The following DPEP1 variants were observed in gnomAD, a reference collection of about 807,000 sequenced individuals.
DPEP1 encodes the protein beta-lactamase.
DPEP1 carries 50 observed loss-of-function variants against 42.3 expected under a neutral mutation model. That is an observed-to-expected ratio of 1.18 (90% CI 0.94 to 1.50). The LOEUF (loss-of-function observed/expected upper bound fraction) is 1.50, where lower values mean the gene tolerates loss of function less well. Ranked by LOEUF, DPEP1 falls within the 40% of genes most tolerant of loss-of-function variation. The pLI, the probability that DPEP1 is intolerant of heterozygous loss-of-function variation, is 0.00. For missense variants in DPEP1, 663 were observed against 553.0 expected, an observed-to-expected ratio of 1.20 and a Z score of -1.99; for synonymous variants, 297 against 234.0, an observed-to-expected ratio of 1.27 and a Z score of -2.46.
chr16:89,635,864 C>A, intron 2 of DPEP1, 44 bp from the exon 3 acceptor site: 1 of 1,552,550 alleles, frequency 6.4e-7, no homozygotes. Flanking sequence ...CCCCAGGTCC[C>A]AGTGGCCGCC....
chr16:89,628,817 G>T (rs750556693), intron 1 of DPEP1, among the ~76,000 whole-genome samples: 4 of 151,674 alleles, frequency 2.6e-5, no homozygotes, highest in African/African-American at 9.7e-5. Context: ...GAGGGGGGGC[G>T]GTTTGTGTTT....
chr16:89,627,418 A>C (rs2059528685), intron 1 of DPEP1, among the ~76,000 whole-genome samples: 2 of 151,778 alleles, frequency 1.3e-5, no homozygotes, highest in Non-Finnish European at 2.9e-5. Context: ...CCCTGTCTCT[A>C]CTAAAAATAC....
At position 89,638,198 on chromosome 16, in the gene DPEP1, G is replaced by C. The variant is rs1332996940; in HGVS notation, c.1212G>C (p.Leu404=). 2 of 1,584,934 alleles carry C rather than the reference G, an allele frequency of 1.3e-6. No individual in the cohort carries two copies. Among genetic ancestry groups the C allele is most frequent in the African/African-American group, 2.7e-5 (2 of 74,268 alleles). Residue 404 remains leucine (L), a synonymous_variant, in exon 11 of 11, where the codon CTG becomes CTC. Coordinates refer to ENST00000690203, the MANE Select transcript of DPEP1 (RefSeq NM_001389466.1). ...TCCTGCTGGCCTCCCTCGCTCCCCT[G>C]GTCCTCTGTCTGTCTCTCCTGTGAA... is the stretch of plus-strand genomic sequence containing the variant. ...WGLLLASLAP[L]VLCLSLL
intron 1 of DPEP1, among the ~76,000 whole-genome samples, chr16:89,615,903 T>C (rs528120547): frequency 3.3e-5 from 5 of 152,146 alleles, no homozygotes; most frequent in Admixed American, 1.3e-4. Flanking sequence ...TCCACCCCTT[T>C]CACAGGCCCA....
chr16:89,638,115 T>C lies in DPEP1; in HGVS notation c.1129T>C (p.Cys377Arg). 6.2e-7 allele frequency: 1 copy of C among 1,612,414 alleles called. No homozygotes were observed. The highest frequency in any genetic ancestry group is 8.5e-7 in the Non-Finnish European group (1 of 1,179,830). Residue 377 changes from cysteine to arginine, a missense_variant, in exon 11 of 11, where the codon TGC becomes CGC. Transcript: ENST00000690203. ...PIPLDQLGGS[C>R]RTHYGYSSGA... Reference sequence around the variant, plus strand: ...CCCGCTGGACCAGCTGGGTGGCTCCTGCAGGACCCATTACGGCTACTCCTC... The same window carrying C: ...CCCGCTGGACCAGCTGGGTGGCTCCCGCAGGACCCATTACGGCTACTCCTC...
At chr16:89,624,625 C>T (rs1224961561) in intron 1 of DPEP1, among the ~76,000 whole-genome samples, 2 of 151,900 alleles carry the variant, frequency 1.3e-5, no homozygotes, top group East Asian at 3.9e-4. Flanking sequence ...ACCTCTGCCT[C>T]CCAGGTTCAA....
Position 89,638,291 on chromosome 16 carries a change from C to T in DPEP1, c.*69C>T. The stretch of plus-strand genomic sequence containing the variant: ...GGAAGACCCGCCCATCCCAGGACTC[C>T]AGATGCCAGGAGCCCTGCTGCCCAC... On this transcript the variant is annotated 3_prime_UTR_variant, in exon 11 of 11. Coordinates refer to ENST00000690203, the MANE Select transcript of DPEP1 (RefSeq NM_001389466.1). 1.4e-6 allele frequency: 2 copies of T among 1,469,506 alleles called. No homozygotes were observed. Among genetic ancestry groups the T allele is most frequent in the South Asian group, 1.4e-5 (1 of 70,648 alleles). 91.0% of individuals were successfully genotyped at this position (1,469,506 alleles called of 1,614,324 possible).
intron 1 of DPEP1, among the ~76,000 whole-genome samples, chr16:89,621,302 G>C (rs1408613693): frequency 6.6e-6 from 1 of 151,642 alleles, no homozygotes; most frequent in African/African-American, 2.4e-5. Context: ...ACCGTGGGGG[G>C]CCTGGGCAGG....
Position 89,637,677 on chromosome 16 carries a change from G to A in DPEP1, c.899G>A (p.Gly300Asp), listed in dbSNP as rs753502417. 2 of 1,613,030 alleles carry A rather than the reference G, an allele frequency of 1.2e-6. No homozygotes were observed. The highest frequency in any genetic ancestry group is 1.7e-6 in the Non-Finnish European group (2 of 1,179,994). Residue 300 changes from glycine (G) to aspartate (D), a missense_variant, in exon 9 of 11, where the codon GGT becomes GAT. By Grantham distance (94) the Gly-to-Asp change is moderately conservative. Coordinates refer to ENST00000690203, the MANE Select transcript of DPEP1 (RefSeq NM_001389466.1). The stretch of plus-strand genomic sequence containing the variant: ...GAGGTGGCAGGAGCCAGAGCCGTGG[G>A]TTTTGGTGGGGACTTTGATGGTGTT... The part of the protein sequence containing the change: ...IKEVAGARAV[G>D]FGGDFDGVPR...
At chr16:89,615,971 C>T (rs2059376355) in intron 1 of DPEP1, among the ~76,000 whole-genome samples, 1 of 152,086 alleles carries the variant, frequency 6.6e-6, no homozygotes, top group East Asian at 1.9e-4. Context: ...CGTGTCGTGT[C>T]CCCAGGCAGG....
Position 89,638,400 on chromosome 16 carries a change from A to T in DPEP1, c.*178A>T. The T allele has an allele frequency of 1.5e-6, 2 of 1,361,388 alleles. No homozygotes were observed. Among genetic ancestry groups the T allele is most frequent in the South Asian group, 2.0e-5 (1 of 49,870 alleles). The allele number at this position is 1,361,388 out of a possible 1,614,324, so 84.3% of individuals were successfully genotyped here. A position where few individuals can be genotyped will look rare whatever the true frequency, so the allele number is the denominator to read the frequency against. On this transcript the variant is annotated 3_prime_UTR_variant, in exon 11 of 11. Transcript: ENST00000690203. Reference sequence around the variant, plus strand: ...TGGGGACAGTTCAGGACACACACACAGTAGGCCCGCAATAAAAGCAACACC... The same window carrying T: ...TGGGGACAGTTCAGGACACACACACTGTAGGCCCGCAATAAAAGCAACACC...
In DPEP1 at chr16:89,637,255, G is replaced by C. The variant is rs766090942; in HGVS notation, c.643G>C (p.Val215Leu). The C allele has an allele frequency of 6.2e-7, 1 of 1,612,746 alleles. No individual in the cohort carries two copies. The highest frequency in any genetic ancestry group is 1.1e-5 in the South Asian group (1 of 91,086). Residue 215 changes from valine to leucine, a missense_variant, in exon 7 of 11, where the codon GTG (valine) becomes CTG (leucine). Physicochemically the swap from Val to Leu is conservative, Grantham distance 32. Coordinates refer to ENST00000690203, the MANE Select transcript of DPEP1 (RefSeq NM_001389466.1). ...GGGGGTCCTCATCGACTTGGCTCAC[G>C]TGTCTGTGGCCACCATGAAGGCCAC... ...RLGVLIDLAHVSVATMKATLQ... is the reference protein window; with the variant it reads ...RLGVLIDLAHLSVATMKATLQ...
chr16:89,627,656 T>C (rs1374202104), intron 1 of DPEP1, among the ~76,000 whole-genome samples: 20 of 125,006 alleles, frequency 1.6e-4, no homozygotes, highest in African/African-American at 4.2e-4. Context: ...TTCTTCTTTT[T>C]TTTTTTTTTT....
chr16:89,615,672 C>T (rs1312278136), intron 1 of DPEP1, among the ~76,000 whole-genome samples: 1 of 152,178 alleles, frequency 6.6e-6, no homozygotes, highest in Non-Finnish European at 1.5e-5. Context: ...CCCAGGACCC[C>T]GCCTTGCAGG....
Position 89,637,522 on chromosome 16 carries a change from A to G in DPEP1, c.823A>G (p.Thr275Ala), listed in dbSNP as rs769440100. 43 of 1,612,604 alleles carry G rather than the reference A, an allele frequency of 2.7e-5. No individual in the cohort carries two copies. Among genetic ancestry groups the G allele is most frequent in the Admixed American group, 3.3e-5 (2 of 59,992 alleles). Residue 275 changes from threonine (T) to alanine (A), a missense_variant, in exon 8 of 11, where the codon ACC (threonine) becomes GCC (alanine). Thr to Ala is a moderately conservative substitution (Grantham distance 58). Transcript: ENST00000690203. ...VNFYNNYISC[T>A]NKANLSQVAD... Reference sequence around the variant, plus strand: ...CTTCTACAACAATTACATTTCCTGCACCAACAAGGCCAACCTGTCCCAAGT... The same window carrying G: ...CTTCTACAACAATTACATTTCCTGCGCCAACAAGGCCAACCTGTCCCAAGT...
At chr16:89,631,812 G>A (rs1468470105) in intron 2 of DPEP1, among the ~76,000 whole-genome samples, 1 of 151,998 alleles carries the variant, frequency 6.6e-6, no homozygotes, top group Non-Finnish European at 1.5e-5. Context: ...ACCCAATATC[G>A]GGCCACTGTA....
At chr16:89,617,698 G>GGCCGGGC (rs2059393975) in intron 1 of DPEP1, among the ~76,000 whole-genome samples, 1 of 151,424 alleles carries the variant, frequency 6.6e-6, no homozygotes. Context: ...CACTTTGGGA[G>GGCCGGGC]GTTGGGCACG....
Position 89,637,532 on chromosome 16 carries a change from C to A in DPEP1, c.833C>A (p.Ala278Asp), listed in dbSNP as rs771035673. Residue 278 changes from alanine (A) to aspartate (D), a missense_variant, in exon 8 of 11, where the codon GCC becomes GAC. By Grantham distance (126) the Ala-to-Asp change is moderately radical. Coordinates refer to ENST00000690203, the MANE Select transcript of DPEP1 (RefSeq NM_001389466.1). The stretch of plus-strand genomic sequence containing the variant: ...AATTACATTTCCTGCACCAACAAGG[C>A]CAACCTGTCCCAAGTGGCCGGTAGG... ...YNNYISCTNK[A>D]NLSQVADHLD... is the part of the protein sequence containing the mutation. 1.9e-6 allele frequency: 3 copies of A among 1,612,776 alleles called. No homozygotes were observed. The East Asian group carries it at 6.7e-5, about 36-fold the overall frequency.
At position 89,622,796 on chromosome 16, in the gene DPEP1, AAC is replaced by A. The variant is rs1466691597; in HGVS notation, c.-106-7504_-106-7503del. Among the ~76,000 whole-genome samples, 6 of 151,866 alleles carry A rather than the reference AAC, an allele frequency of 4.0e-5. No individual in the cohort carries two copies. In the South Asian group the frequency reaches 8.3e-4, roughly 21 times the overall value. On this transcript the variant is annotated intron_variant, in intron 1 of 10. Transcript: ENST00000690203. ...GAGACTCTGTCTCAAAAAAAAAAAA[AAC>A]ACACTCGTCAGACAATAGAAAGTCT... is the stretch of plus-strand genomic sequence containing the variant.
Sources: allele counts gnomAD v4.1 joint callset (sites outside exome capture counted in the v4.1 genomes callset), GRCh38; gene constraint gnomAD v4.1.1; transcripts MANE v1.5; gene names NCBI Gene and HGNC (gene_info 2026-07-23, HGNC 2026-07-21).